The following KANK1 variants were observed in gnomAD, a reference collection of about 807,000 sequenced individuals.
KANK1 encodes KN motif and ankyrin repeat domain-containing protein 1.
Under a neutral mutation model 106.2 loss-of-function variants are expected in KANK1, and 109 were observed. The ratio of observed to expected loss-of-function variants is 1.03; its 90% CI spans 0.88 to 1.20. The LOEUF (loss-of-function observed/expected upper bound fraction) is 1.20, where lower values mean the gene tolerates loss of function less well. KANK1 is among the 50% of genes most tolerant of loss of function. The pLI, the probability that KANK1 is intolerant of heterozygous loss-of-function variation, is 0.00. For synonymous variants in KANK1, 873 were observed against 652.2 expected, an observed-to-expected ratio of 1.34 and a Z score of -5.16; for missense variants, 2,399 against 1,710.7, an observed-to-expected ratio of 1.40 and a Z score of -7.10.
chr9:529,232 T>C (rs1415103262), intron 1 of KANK1, among the ~76,000 whole-genome samples: 2 of 142,296 alleles, frequency 1.4e-5, no homozygotes, highest in East Asian at 2.1e-4. Context: ...TATATATATA[T>C]ATACACACAC....
intron 1 of KANK1, among the ~76,000 whole-genome samples, chr9:671,831 C>T (rs1016994549): frequency 6.6e-6 from 1 of 151,748 alleles, no homozygotes; most frequent in African/African-American, 2.4e-5. Context: ...ACCTGTAATC[C>T]CAGCTGCTTG....
intron 1 of KANK1, among the ~76,000 whole-genome samples, chr9:589,451 G>A (rs1191573838): frequency 6.6e-6 from 1 of 152,188 alleles, no homozygotes; most frequent in Non-Finnish European, 1.5e-5. Context: ...GCCACTGGGA[G>A]GAGGGAGCAG....
At chr9:650,304 G>A (rs1486253604) in intron 1 of KANK1, among the ~76,000 whole-genome samples, 1 of 152,186 alleles carries the variant, frequency 6.6e-6, no homozygotes, top group Admixed American at 6.5e-5. Flanking sequence ...CTTGCAAAGT[G>A]AAAGTAAAAG....
At chr9:734,452 G>C (rs935205485) in intron 6 of KANK1, 1 of 275,976 alleles carries the variant, frequency 3.6e-6, no homozygotes, top group Non-Finnish European at 7.2e-6. Flanking sequence ...GATCACCTGA[G>C]GTCAGGAGTT....
At chr9:611,455 T>G (rs1214160331) in intron 1 of KANK1, among the ~76,000 whole-genome samples, 1 of 152,196 alleles carries the variant, frequency 6.6e-6, no homozygotes, top group African/African-American at 2.4e-5. Context: ...GCCCATGTCC[T>G]CTGTCTCTCA....
intron 1 of KANK1, among the ~76,000 whole-genome samples, chr9:572,762 A>G (rs555541175): frequency 2.8e-4 from 43 of 152,208 alleles, no homozygotes; most frequent in African/African-American, 1.0e-3. Context: ...CATTTTTTGC[A>G]TCAGAACATG....
chr9:530,453 G>A (rs979077976), intron 1 of KANK1, among the ~76,000 whole-genome samples: 3 of 152,024 alleles, frequency 2.0e-5, no homozygotes, highest in African/African-American at 7.2e-5. Flanking sequence ...GGTTTTCCCA[G>A]TCATTTATTA....
intron 6 of KANK1, chr9:734,125 A>AAAC (rs1564112045): frequency 2.6e-5 from 4 of 151,146 alleles, no homozygotes; most frequent in African/African-American, 9.8e-5. Context: ...AAAAAAAAAA[A>AAAC]AAAAAAAACT....
intron 1 of KANK1, among the ~76,000 whole-genome samples, chr9:644,388 C>T (rs144574938): frequency 7.9e-5 from 12 of 151,070 alleles, no homozygotes; most frequent in Admixed American, 6.6e-4. Context: ...TAAAGAAATA[C>T]TGGAGACTGG....
At chr9:640,391 A>G (rs957917878) in intron 1 of KANK1, among the ~76,000 whole-genome samples, 1 of 148,188 alleles carries the variant, frequency 6.7e-6, no homozygotes, top group African/African-American at 2.5e-5. Context: ...GCATGCCATC[A>G]CGCCCAGCTA....
chr9:509,523 A>G (rs1169132148), intron 1 of KANK1, among the ~76,000 whole-genome samples: 4 of 152,238 alleles, frequency 2.6e-5, no homozygotes, highest in Admixed American at 1.3e-4. Flanking sequence ...GTTTCTTAAC[A>G]CAGTATCTTA....
At chr9:696,632 A>G (rs1041036650) in intron 2 of KANK1, among the ~76,000 whole-genome samples, 14 of 152,004 alleles carry the variant, frequency 9.2e-5, no homozygotes, top group African/African-American at 3.4e-4. Context: ...GTGGGGAGGA[A>G]CCTGGGAGGT....
chr9:738,232 G>A, intron 7 of KANK1, 53 bp from the exon 8 acceptor site: 2 of 1,429,440 alleles, frequency 1.4e-6, no homozygotes, highest in South Asian at 1.2e-5. Flanking sequence ...TTTCAACTAG[G>A]TCTCAGAAAG....
At chr9:628,433 C>G (rs770714021) in intron 1 of KANK1, among the ~76,000 whole-genome samples, 21 of 152,180 alleles carry the variant, frequency 1.4e-4, no homozygotes, top group African/African-American at 5.1e-4. Context: ...TTTATATTCA[C>G]AGATGTACGT....
Position 626,944 on chromosome 9 carries a change from TCA to T in KANK1, c.-83-49945_-83-49944del, listed in dbSNP as rs553686416. Among the ~76,000 whole-genome samples, 35 of 152,280 alleles carry T rather than the reference TCA, an allele frequency of 2.3e-4. No homozygotes were observed. The South Asian group carries it at 7.1e-3, about 31-fold the overall frequency. The stretch of plus-strand genomic sequence containing the variant: ...TTACACTGGTGTACATCGGTGCTTC[TCA>T]GTCTCTTCACATTCTAACTCATTCC... On this transcript the variant is annotated intron_variant, in intron 1 of 11. Coordinates refer to ENST00000382297, the MANE Select transcript of KANK1 (RefSeq NM_015158.5).
intron 3 of KANK1, among the ~76,000 whole-genome samples, chr9:490,149 A>ATCT (rs900457904): frequency 2.6e-5 from 4 of 152,314 alleles, no homozygotes; most frequent in South Asian, 2.1e-4. Context: ...AGTTAAAGGC[A>ATCT]TCTTCTTCTT....
intron 1 of KANK1, among the ~76,000 whole-genome samples, chr9:527,423 C>T (rs1587521691): frequency 6.8e-6 from 1 of 146,916 alleles, no homozygotes; most frequent in South Asian, 2.2e-4. Context: ...TTCCTCAGCC[C>T]CTCAAGTAGC....
chr9:694,088 AT>A (rs534119413), intron 2 of KANK1, among the ~76,000 whole-genome samples: 239 of 152,282 alleles, frequency 1.6e-3, no homozygotes, highest in African/African-American at 5.6e-3. Flanking sequence ...TGCTAAATCC[AT>A]CTTTGGGTAT....
At chr9:606,638 AT>A (rs1829269539) in intron 1 of KANK1, among the ~76,000 whole-genome samples, 1 of 67,116 alleles carries the variant, frequency 1.5e-5, no homozygotes, top group Admixed American at 1.4e-4. Context: ...ATTTATATAT[AT>A]TACATATATA....
Sources: allele counts gnomAD v4.1 joint callset (sites outside exome capture counted in the v4.1 genomes callset), GRCh38; gene constraint gnomAD v4.1.1; transcripts MANE v1.5; gene names NCBI Gene and HGNC (gene_info 2026-07-23, HGNC 2026-07-21).